IRAK2: variants seen among roughly 807,000 people sequenced by gnomAD.
IRAK2 encodes interleukin 1 receptor associated kinase 2, also known as interleukin-1 receptor-associated kinase-like 2.
IRAK2 carries 57 observed loss-of-function variants against 72.0 expected under a neutral mutation model. That is an observed-to-expected ratio of 0.79 (90% confidence interval 0.64 to 0.99). The LOEUF is 0.99. Ranked by LOEUF, IRAK2 falls within the 50% of genes least tolerant of loss-of-function variation. The pLI is 0.00. For missense variants in IRAK2, 790 were observed against 794.4 expected, an observed-to-expected ratio of 0.99 and a Z score of 0.07; for synonymous variants, 293 against 312.7, an observed-to-expected ratio of 0.94 and a Z score of 0.67.
At chr3:10,197,937 C>T (rs576781987) in intron 2 of IRAK2, among the ~76,000 whole-genome samples, 1 of 150,960 alleles carries the variant, frequency 6.6e-6, no homozygotes, top group Non-Finnish European at 1.5e-5. Flanking sequence ...CAGTGGCTCA[C>T]GCCTGTAATC....
chr3:10,238,208 A>T (rs1460117460), intron 11 of IRAK2, among the ~76,000 whole-genome samples: 1 of 152,152 alleles, frequency 6.6e-6, no homozygotes, highest in Non-Finnish European at 1.5e-5. Flanking sequence ...AACAGAGAGG[A>T]CAGGCATTGC....
At position 10,226,258 on chromosome 3, in the gene IRAK2, G is replaced by C. The variant is rs55747558; in HGVS notation, c.1210-113G>C. The C allele has an allele frequency of 2.9e-3, 2,187 of 746,604 alleles. 44 individuals carry two copies. The highest frequency in any genetic ancestry group is 0.025 in the East Asian group (877 of 34,614). The allele number at this position is 746,604 out of a possible 1,614,324, so 46.2% of individuals were successfully genotyped here. On this transcript the variant is annotated intron_variant, in intron 9 of 12. Coordinates refer to ENST00000256458, the MANE Select transcript of IRAK2 (RefSeq NM_001570.4). ...AGATTTTGGGCAGGTGTGTCTGCTG[G>C]CAATGGCAGAGCTGCACCTGGAGCT... is the stretch of plus-strand genomic sequence containing the variant.
intron 3 of IRAK2, among the ~76,000 whole-genome samples, chr3:10,205,884 G>A (rs1348885066): frequency 6.6e-6 from 1 of 152,208 alleles, no homozygotes; most frequent in African/African-American, 2.4e-5. Context: ...TCTGAGGGAT[G>A]CGGGCCAAGG....
intron 11 of IRAK2, 53 bp from the exon 12 acceptor site, chr3:10,238,693 ATT>A: frequency 6.5e-7 from 1 of 1,546,924 alleles, no homozygotes; most frequent in African/African-American, 1.4e-5. Flanking sequence ...AGATGTTAGC[ATT>A]TCTATTTCAG....
intron 1 of IRAK2, among the ~76,000 whole-genome samples, chr3:10,169,073 G>A (rs895360199): frequency 7.9e-5 from 12 of 152,140 alleles, no homozygotes; most frequent in Admixed American, 1.3e-4. Context: ...TGGTAGGACC[G>A]TGATGGTGAC....
At chr3:10,200,315 A>G (rs1257527434) in intron 2 of IRAK2, 54 bp from the exon 3 acceptor site, 4 of 1,482,202 alleles carry the variant, frequency 2.7e-6, no homozygotes, top group Non-Finnish European at 3.6e-6. Flanking sequence ...CAGTCTCTCA[A>G]TGGCTACCCC....
At chr3:10,165,324 C>T (rs1043612832) in intron 1 of IRAK2, among the ~76,000 whole-genome samples, 4 of 152,286 alleles carry the variant, frequency 2.6e-5, no homozygotes, top group Admixed American at 2.6e-4. Flanking sequence ...CCTGTCAGCG[C>T]TGCTGGCTCG....
At chr3:10,211,806 G>A (rs1270684508) in intron 4 of IRAK2, among the ~76,000 whole-genome samples, 7 of 152,250 alleles carry the variant, frequency 4.6e-5, no homozygotes, top group Admixed American at 3.3e-4. Context: ...GGCCGGGCGC[G>A]GTGGCTCGTG....
intron 10 of IRAK2, among the ~76,000 whole-genome samples, chr3:10,232,801 C>T (rs1029079669): frequency 6.6e-6 from 1 of 152,010 alleles, no homozygotes; most frequent in Non-Finnish European, 1.5e-5. Context: ...CAGTGGCTCA[C>T]ACCTATAATC....
chr3:10,201,382 C>T (rs1039934252), intron 3 of IRAK2, among the ~76,000 whole-genome samples: 5 of 152,256 alleles, frequency 3.3e-5, no homozygotes, highest in Non-Finnish European at 7.3e-5. Flanking sequence ...TGTCCATTCT[C>T]CATAGGCCCC....
At position 10,185,699 on chromosome 3, in the gene IRAK2, A is replaced by G. The variant is rs564982215; in HGVS notation, c.277+7679A>G. Among the ~76,000 whole-genome samples, 726 of 151,332 alleles carry G rather than the reference A, an allele frequency of 4.8e-3. 24 individuals carry two copies. The highest frequency in any genetic ancestry group is 0.017 in the African/African-American group (686 of 40,728). On this transcript the variant is annotated intron_variant, in intron 2 of 12. Coordinates refer to ENST00000256458, the MANE Select transcript of IRAK2 (RefSeq NM_001570.4). ...AGACCAGCCTGGCCAACATGGTGAAACATCGTCTCTACTAAAAATACAAAA... is the reference window on the plus strand; with the variant it reads ...AGACCAGCCTGGCCAACATGGTGAAGCATCGTCTCTACTAAAAATACAAAA...
At chr3:10,218,606 A>G (rs1697642000) in intron 7 of IRAK2, among the ~76,000 whole-genome samples, 1 of 152,074 alleles carries the variant, frequency 6.6e-6, no homozygotes, top group African/African-American at 2.4e-5. Flanking sequence ...TTGCAAACAC[A>G]AGCTCCCTAG....
At chr3:10,171,356 C>T (rs552277108) in intron 1 of IRAK2, among the ~76,000 whole-genome samples, 1 of 152,254 alleles carries the variant, frequency 6.6e-6, no homozygotes, top group African/African-American at 2.4e-5. Context: ...GAAGCACCCT[C>T]ACAGTGTTGC....
At chr3:10,215,694 G>C (rs1261595901) in intron 6 of IRAK2, among the ~76,000 whole-genome samples, 2 of 151,256 alleles carry the variant, frequency 1.3e-5, no homozygotes, top group Non-Finnish European at 2.9e-5. Context: ...CCCATATTTT[G>C]ATATGTTTTC....
At chr3:10,192,576 C>G (rs541681218) in intron 2 of IRAK2, among the ~76,000 whole-genome samples, 1 of 152,260 alleles carries the variant, frequency 6.6e-6, no homozygotes, top group East Asian at 1.9e-4. Flanking sequence ...GCAATTATCC[C>G]CCAGAGCTGT....
intron 3 of IRAK2, among the ~76,000 whole-genome samples, chr3:10,207,838 C>A (rs1697454849): frequency 6.6e-6 from 1 of 151,932 alleles, no homozygotes; most frequent in Admixed American, 6.6e-5. Flanking sequence ...AATAAAAATA[C>A]AAAAATTAGC....
intron 2 of IRAK2, among the ~76,000 whole-genome samples, chr3:10,192,173 C>T (rs1206376591): frequency 4.6e-5 from 7 of 152,160 alleles, no homozygotes; most frequent in Non-Finnish European, 1.0e-4. Flanking sequence ...AGCCAGCTGG[C>T]ACGAGGGTGC....
chr3:10,176,761 G>A (rs182053839), intron 1 of IRAK2, among the ~76,000 whole-genome samples: 2 of 151,884 alleles, frequency 1.3e-5, no homozygotes, highest in South Asian at 2.1e-4. Context: ...ACAGGCGTAA[G>A]CCACTGCGCC....
chr3:10,175,106 G>A (rs549234595), intron 1 of IRAK2, among the ~76,000 whole-genome samples: 2 of 151,092 alleles, frequency 1.3e-5, no homozygotes, highest in Admixed American at 1.3e-4. Context: ...AAAAAAAAAA[G>A]ATTTTTAAAT....
Sources: allele counts gnomAD v4.1 joint callset (sites outside exome capture counted in the v4.1 genomes callset), GRCh38; gene constraint gnomAD v4.1.1; transcripts MANE v1.5; gene names NCBI Gene and HGNC (gene_info 2026-07-23, HGNC 2026-07-21).